XPO6: variants seen among roughly 807,000 people sequenced by gnomAD.
The protein encoded by XPO6 is exportin-6.
XPO6 carries 3 observed loss-of-function variants against 130.0 expected under a neutral mutation model. The observed-to-expected ratio is 0.02, with a 90% CI of 0.01 to 0.06. XPO6 has a LOEUF of 0.06. Ranked by LOEUF, XPO6 falls within the 10% of genes least tolerant of loss-of-function variation. XPO6 has a pLI of 1.00. For missense variants in XPO6, 970 were observed against 1,393.0 expected (o/e 0.70, Z 4.83); for synonymous variants, 524 against 548.9 (o/e 0.95, Z 0.63).
In XPO6 at chr16:28,196,384, T is replaced by C. The variant is rs149304977; in HGVS notation, c.3+14982A>G. Among the ~76,000 whole-genome samples, 271 of 152,210 alleles carry C rather than the reference T, an allele frequency of 1.8e-3. 2 individuals carry two copies. The highest frequency in any genetic ancestry group is 5.7e-3 in the African/African-American group (238 of 41,554). ...ATAAGCAAATTCATGAGACAGGAATTAGATTTGTGGTCACCAGGGGCTGGG... is the reference window on the plus strand; with the variant it reads ...ATAAGCAAATTCATGAGACAGGAATCAGATTTGTGGTCACCAGGGGCTGGG... On this transcript the variant is annotated intron_variant, in intron 1 of 23. Coordinates refer to ENST00000304658, the MANE Select transcript of XPO6 (RefSeq NM_015171.4).
At chr16:28,194,530 A>G (rs1442061282) in intron 1 of XPO6, among the ~76,000 whole-genome samples, 2 of 152,092 alleles carry the variant, frequency 1.3e-5, no homozygotes, top group Non-Finnish European at 2.9e-5. Flanking sequence ...TGCTTAATTA[A>G]TAAGGGTAGA....
chr16:28,185,541 A>G lies in XPO6; in HGVS notation c.4-4510T>C, dbSNP rs545158735. 2.6e-5 allele frequency among the ~76,000 whole-genome samples: 4 copies of G among 152,304 alleles called. No homozygotes were observed. The East Asian group carries it at 7.7e-4, about 29-fold the overall frequency. ...CTGCTTCTGTGTAAATATATACTGC[A>G]ATTTTAAACACTTAATGTTTTAAAA... On this transcript the variant is annotated intron_variant, in intron 1 of 23. Coordinates refer to ENST00000304658, the MANE Select transcript of XPO6 (RefSeq NM_015171.4).
chr16:28,186,525 C>T (rs143697562), intron 1 of XPO6, among the ~76,000 whole-genome samples: 1 of 151,782 alleles, frequency 6.6e-6, no homozygotes, highest in African/African-American at 2.4e-5. Flanking sequence ...CACATGCCAC[C>T]ACATCTGGCT....
chr16:28,171,959 C>G (rs574953388), intron 4 of XPO6, among the ~76,000 whole-genome samples: 1 of 152,148 alleles, frequency 6.6e-6, no homozygotes, highest in Non-Finnish European at 1.5e-5. Context: ...AGGCTGCATC[C>G]TTACTCTCTC....
At position 28,164,191 on chromosome 16, in the gene XPO6, ACAGGGGCT is replaced by A. The variant is rs1169658963; in HGVS notation, c.643+2309_643+2316del. On this transcript the variant is annotated intron_variant, in intron 6 of 23. Coordinates refer to ENST00000304658, the MANE Select transcript of XPO6 (RefSeq NM_015171.4). ...CTAAGACACAGGGCAGGAGAGCCCCACAGGGGCTGAGCTAAGGAATTCATTTGGTTGCT... is the reference window on the plus strand; with the variant it reads ...CTAAGACACAGGGCAGGAGAGCCCCAGAGCTAAGGAATTCATTTGGTTGCT... 6.5e-3 allele frequency among the ~76,000 whole-genome samples: 986 copies of A among 152,358 alleles called. 10 individuals are homozygous for A. The highest frequency in any genetic ancestry group is 0.023 in the African/African-American group (939 of 41,578).
At chr16:28,114,533 T>C (rs2087007091) in intron 15 of XPO6, among the ~76,000 whole-genome samples, 1 of 152,224 alleles carries the variant, frequency 6.6e-6, no homozygotes, top group South Asian at 2.1e-4. Context: ...GAAAACAATG[T>C]ACATATCTTA....
intron 4 of XPO6, 143 bp from the exon 5 acceptor site, chr16:28,170,052 G>T: frequency 8.6e-7 from 1 of 1,161,984 alleles, no homozygotes; most frequent in South Asian, 1.6e-5. Context: ...TCACTTAGAG[G>T]CCAGCTCCAA....
chr16:28,165,241 A>G (rs545547321), intron 6 of XPO6: 23 of 152,306 alleles, frequency 1.5e-4, no homozygotes, highest in African/African-American at 4.8e-4. Flanking sequence ...ATATTTGCAA[A>G]CAGAATTTAA....
intron 2 of XPO6, among the ~76,000 whole-genome samples, 194 bp from the exon 3 acceptor site, chr16:28,177,526 C>T (rs2043551657): frequency 6.6e-6 from 1 of 152,152 alleles, no homozygotes; most frequent in Non-Finnish European, 1.5e-5. Flanking sequence ...TGGACACTGA[C>T]AATGTTTTCA....
chr16:28,209,550 G>C (rs561976486), intron 1 of XPO6, among the ~76,000 whole-genome samples: 13 of 146,046 alleles, frequency 8.9e-5, no homozygotes, highest in South Asian at 4.3e-4. Flanking sequence ...TGAGGCAGGA[G>C]AATCACTTGA....
chr16:28,098,527 C>T lies in XPO6; in HGVS notation c.*11G>A. 2.5e-6 allele frequency: 4 copies of T among 1,603,344 alleles called. No individual in the cohort carries two copies. Among genetic ancestry groups the T allele is most frequent in the Non-Finnish European group, 3.4e-6 (4 of 1,173,044 alleles). ...AGCAGCAGAAGTCCGTGTCCCCAGG[C>T]AGTAGCAGGCCTAGAGCTTCACAGT... On this transcript the variant is annotated 3_prime_UTR_variant, in exon 24 of 24. Coordinates refer to ENST00000304658, the MANE Select transcript of XPO6 (RefSeq NM_015171.4).
intron 15 of XPO6, among the ~76,000 whole-genome samples, chr16:28,115,864 C>T (rs1044347347): frequency 6.6e-6 from 1 of 152,246 alleles, no homozygotes; most frequent in Non-Finnish European, 1.5e-5. Context: ...GCACTTGCTG[C>T]TTCATCCTGG....
intron 9 of XPO6, among the ~76,000 whole-genome samples, chr16:28,144,214 C>T (rs556348795): frequency 4.6e-5 from 7 of 152,164 alleles, no homozygotes; most frequent in African/African-American, 7.2e-5. Context: ...GATATATGAA[C>T]GTACTACCTA....
chr16:28,187,029 C>T (rs937574595), intron 1 of XPO6, among the ~76,000 whole-genome samples: 15 of 152,202 alleles, frequency 9.9e-5, no homozygotes, highest in African/African-American at 2.4e-4. Flanking sequence ...GTAGTCCTGG[C>T]GTACATATAA....
intron 1 of XPO6, among the ~76,000 whole-genome samples, chr16:28,209,532 C>CT (rs1470577861): frequency 1.3e-5 from 2 of 149,560 alleles, no homozygotes; most frequent in African/African-American, 2.5e-5. Context: ...CCCAGCTACT[C>CT]GGGAGGCTGA....
intron 15 of XPO6, among the ~76,000 whole-genome samples, chr16:28,116,659 C>T (rs761263756): frequency 2.0e-5 from 3 of 152,106 alleles, no homozygotes; most frequent in Non-Finnish European, 2.9e-5. Context: ...GGCCTAAAGA[C>T]AGGAAGATGG....
rs185261087 is a variant in XPO6 at position 28,192,740 on chromosome 16, C to T, written c.4-11709G>A. 3.1e-3 allele frequency among the ~76,000 whole-genome samples: 476 copies of T among 152,192 alleles called. 5 individuals are homozygous for T. Among genetic ancestry groups the T allele is most frequent in the African/African-American group, 0.011 (462 of 41,512 alleles). The stretch of plus-strand genomic sequence containing the variant: ...GTGGAGACAGGACCAGAAGAATGTG[C>T]CCCAATACTGCTCCCACCTGGTGTG... On this transcript the variant is annotated intron_variant, in intron 1 of 23. Coordinates refer to ENST00000304658, the MANE Select transcript of XPO6 (RefSeq NM_015171.4).
At chr16:28,172,011 TA>T (rs2043457274) in intron 4 of XPO6, among the ~76,000 whole-genome samples, 1 of 152,160 alleles carries the variant, frequency 6.6e-6, no homozygotes, top group Non-Finnish European at 1.5e-5. Context: ...CATTTGGCAA[TA>T]TACACCCTCC....
chr16:28,166,907 G>T, intron 5 of XPO6: 1 of 831,270 alleles, frequency 1.2e-6, no homozygotes, highest in Non-Finnish European at 1.5e-6. Context: ...TGGCATTACA[G>T]GCCATTGCCT....
Sources: gnomAD v4.1 joint callset for allele counts (sites outside exome capture counted in the v4.1 genomes callset) on GRCh38, gnomAD v4.1.1 for gene constraint, MANE v1.5 for transcripts, NCBI Gene and HGNC (gene_info 2026-07-23, HGNC 2026-07-21) for gene names.